ROBO2: variants seen among roughly 807,000 people sequenced by gnomAD.
The protein encoded by ROBO2 is roundabout guidance receptor 2, also known as roundabout homolog 2.
A neutral mutation model predicts 160.8 loss-of-function variants in ROBO2; 53 were observed. That is an observed-to-expected ratio of 0.33 (90% CI 0.26 to 0.41). The LOEUF (loss-of-function observed/expected upper bound fraction) is 0.41. Among genes scored for constraint, ROBO2 ranks in the 10% least tolerant of loss-of-function variants. ROBO2 has a pLI of 1.00. For synonymous variants in ROBO2, 664 were observed against 611.7 expected (o/e 1.09, Z -1.26); for missense variants, 1,577 against 1,722.4 (o/e 0.92, Z 1.49).
At chr3:76,271,933 C>A (rs1707456162) in intron 2 of ROBO2, among the ~76,000 whole-genome samples, 1 of 152,072 alleles carries the variant, frequency 6.6e-6, no homozygotes, top group Non-Finnish European at 1.5e-5. Flanking sequence ...CAGAATATTT[C>A]TTTTCTAAAT....
intron 2 of ROBO2, among the ~76,000 whole-genome samples, chr3:77,174,244 C>T (rs752118201): frequency 4.0e-5 from 6 of 151,754 alleles, no homozygotes; most frequent in Admixed American, 2.0e-4. Context: ...TCTTCTAATC[C>T]GAAATTTTAA....
intron 2 of ROBO2, among the ~76,000 whole-genome samples, chr3:77,315,121 C>T (rs934373747): frequency 2.0e-5 from 3 of 152,152 alleles, no homozygotes; most frequent in African/African-American, 7.2e-5. Context: ...CCTCAGTTTC[C>T]TTCTCCGTAC....
intron 6 of ROBO2, among the ~76,000 whole-genome samples, chr3:77,544,464 C>T (rs775038823): frequency 1.4e-4 from 21 of 152,090 alleles, no homozygotes; most frequent in Non-Finnish European, 2.6e-4. Flanking sequence ...TCCCATCTGT[C>T]CCTGGGTTAT....
chr3:76,270,010 A>G (rs2107622835), intron 2 of ROBO2, among the ~76,000 whole-genome samples: 1 of 152,140 alleles, frequency 6.6e-6, no homozygotes, highest in South Asian at 2.1e-4. Flanking sequence ...CAATTGGAAA[A>G]GGCTACTACT....
intron 2 of ROBO2, among the ~76,000 whole-genome samples, chr3:76,856,353 T>C (rs3900625): frequency 0.12 from 18,994 of 152,198 alleles, 1,351 homozygotes; most frequent in East Asian, 0.24. Context: ...GACACATATA[T>C]GGTAAAATGA....
At chr3:77,022,199 G>A (rs753266172) in intron 2 of ROBO2, among the ~76,000 whole-genome samples, 15 of 152,106 alleles carry the variant, frequency 9.9e-5, no homozygotes, top group Non-Finnish European at 1.6e-4. Flanking sequence ...GCGAAATCTC[G>A]TCTCTACTAA....
At chr3:76,977,689 CA>C (rs2059881261) in intron 2 of ROBO2, among the ~76,000 whole-genome samples, 3 of 152,074 alleles carry the variant, frequency 2.0e-5, no homozygotes, top group African/African-American at 7.2e-5. Flanking sequence ...TATATTTCAG[CA>C]AAAACATTTG....
intron 2 of ROBO2, among the ~76,000 whole-genome samples, chr3:77,133,558 T>A (rs2076032344): frequency 6.6e-6 from 1 of 152,208 alleles, no homozygotes; most frequent in Admixed American, 6.5e-5. Context: ...AAGAACTGTG[T>A]ATTTTGCAAA....
intron 2 of ROBO2, among the ~76,000 whole-genome samples, chr3:76,473,548 G>T (rs2078778811): frequency 6.6e-6 from 1 of 152,102 alleles, no homozygotes; most frequent in African/African-American, 2.4e-5. Context: ...TTGAGAGTCT[G>T]ACTAGAACAA....
At chr3:76,481,710 A>G (rs548487336) in intron 2 of ROBO2, among the ~76,000 whole-genome samples, 45 of 152,224 alleles carry the variant, frequency 3.0e-4, no homozygotes, top group Middle Eastern at 6.8e-3. Context: ...CTGTGCTTTA[A>G]TACACCCTAT....
intron 2 of ROBO2, among the ~76,000 whole-genome samples, chr3:76,765,067 T>C (rs1488448607): frequency 6.6e-6 from 1 of 151,670 alleles, no homozygotes; most frequent in Non-Finnish European, 1.5e-5. Context: ...CTCCGACCCT[T>C]CCACCCTCTG....
chr3:75,928,861 C>T (rs1244658822), intron 1 of ROBO2, among the ~76,000 whole-genome samples: 3 of 109,020 alleles, frequency 2.8e-5, no homozygotes, highest in Non-Finnish European at 5.4e-5. Flanking sequence ...CTGGATAAGA[C>T]GTGTGTGTGT....
chr3:76,856,006 A>G (rs1021763508), intron 2 of ROBO2, among the ~76,000 whole-genome samples: 2 of 152,268 alleles, frequency 1.3e-5, no homozygotes, highest in African/African-American at 4.8e-5. Flanking sequence ...AGCTGGTTCT[A>G]TGGTAAGTGC....
At chr3:76,164,863 A>T (rs1452723706) in intron 2 of ROBO2, among the ~76,000 whole-genome samples, 1 of 34,690 alleles carries the variant, frequency 2.9e-5, no homozygotes, top group East Asian at 4.7e-3. Flanking sequence ...CCTGGCTGGG[A>T]CTGCCCCGCA....
intron 2 of ROBO2, among the ~76,000 whole-genome samples, chr3:77,476,600 G>A (rs887783256): frequency 2.0e-5 from 3 of 152,112 alleles, no homozygotes; most frequent in Admixed American, 6.5e-5. Context: ...AATGCAGTCC[G>A]ATAGGGCTGA....
chr3:76,586,640 T>C (rs1467922149), intron 2 of ROBO2, among the ~76,000 whole-genome samples: 1 of 152,226 alleles, frequency 6.6e-6, no homozygotes, highest in East Asian at 1.9e-4. Flanking sequence ...CATTCCTCAA[T>C]TCAAACACTC....
At chr3:76,327,332 C>T (rs2073112537) in intron 2 of ROBO2, among the ~76,000 whole-genome samples, 1 of 151,880 alleles carries the variant, frequency 6.6e-6, no homozygotes, top group Non-Finnish European at 1.5e-5. Flanking sequence ...TGTTCATTAG[C>T]TATGCATGGC....
intron 2 of ROBO2, among the ~76,000 whole-genome samples, chr3:76,767,754 G>C (rs1024892426): frequency 1.3e-5 from 2 of 151,412 alleles, no homozygotes; most frequent in Admixed American, 1.3e-4. Context: ...GTGAGTACAG[G>C]AGAAACACAT....
At chr3:76,782,582 T>A (rs2062715862) in intron 2 of ROBO2, among the ~76,000 whole-genome samples, 2 of 150,840 alleles carry the variant, frequency 1.3e-5, no homozygotes, top group Non-Finnish European at 3.0e-5. Flanking sequence ...CATATATTTA[T>A]AATGGTAATG....
Sources: gnomAD v4.1 joint callset for allele counts (sites outside exome capture counted in the v4.1 genomes callset) on GRCh38, gnomAD v4.1.1 for gene constraint, MANE v1.5 for transcripts, NCBI Gene and HGNC (gene_info 2026-07-23, HGNC 2026-07-21) for gene names.